The following ARHGEF7 variants were observed in gnomAD, a reference collection of about 807,000 sequenced individuals.
ARHGEF7 encodes PAK-interacting exchange factor beta.
ARHGEF7 carries 33 observed loss-of-function variants against 109.8 expected under a neutral mutation model. The observed-to-expected ratio is 0.30, with a 90% CI of 0.23 to 0.40. The LOEUF is 0.40. ARHGEF7 is among the 10% of genes least tolerant of loss of function. The pLI is 1.00. For synonymous variants in ARHGEF7, 458 were observed against 424.6 expected (o/e 1.08, Z -0.97); for missense variants, 938 against 1,098.5 (o/e 0.85, Z 2.07).
intron 2 of ARHGEF7, among the ~76,000 whole-genome samples, chr13:111,204,165 G>A (rs1344571395): frequency 6.6e-6 from 1 of 152,186 alleles, no homozygotes; most frequent in Non-Finnish European, 1.5e-5. Context: ...AAAGGGAAGG[G>A]ACCGAAGGCA....
chr13:111,273,744 T>G lies in ARHGEF7; in HGVS notation c.1074-70T>G. ...TTTCATAAATTCTGGCTGTTGCTCA[T>G]GGAGATGAGAGAGCCACCATTGTCT... On this transcript the variant is annotated intron_variant, in intron 9 of 21. Coordinates refer to ENST00000646102, the MANE Select transcript of ARHGEF7 (RefSeq NM_001354046.2). This position sits in a 1 kb window ranked among gnomAD's most constrained non-coding sequence, Gnocchi z 4.5. The G allele has an allele frequency of 1.6e-5, 26 of 1,587,474 alleles. No individual in the cohort carries two copies. Among genetic ancestry groups the G allele is most frequent in the Middle Eastern group, 1.7e-4 (1 of 5,802 alleles).
chr13:111,208,479 G>C (rs764353250), intron 3 of ARHGEF7, among the ~76,000 whole-genome samples: 13 of 152,144 alleles, frequency 8.5e-5, no homozygotes, highest in Non-Finnish European at 1.3e-4. Flanking sequence ...TGTTCTCAAG[G>C]CATTTAGTTG....
At chr13:111,291,092 A>T (rs2093262194) in intron 18 of ARHGEF7, among the ~76,000 whole-genome samples, 1 of 152,228 alleles carries the variant, frequency 6.6e-6, no homozygotes, top group Admixed American at 6.5e-5. Flanking sequence ...GTTATGATGT[A>T]GTTCTCGCAG....
At chr13:111,271,668 C>T (rs1001771046) in intron 9 of ARHGEF7, among the ~76,000 whole-genome samples, 4 of 152,148 alleles carry the variant, frequency 2.6e-5, no homozygotes, top group South Asian at 2.1e-4. Context: ...ACAGACACCA[C>T]GTACACACAC....
intron 5 of ARHGEF7, among the ~76,000 whole-genome samples, chr13:111,221,773 C>T (rs1324643662): frequency 6.6e-6 from 1 of 151,090 alleles, no homozygotes; most frequent in East Asian, 1.9e-4. Context: ...TTACTTCTGT[C>T]CCTCTAAAGA....
chr13:111,179,710 G>A (rs756429798), intron 2 of ARHGEF7, among the ~76,000 whole-genome samples: 11 of 152,096 alleles, frequency 7.2e-5, no homozygotes, highest in Non-Finnish European at 1.6e-4. Flanking sequence ...CTGTAGGATC[G>A]TTTTTCTGCC....
At chr13:111,179,276 G>T (rs2078498173) in intron 2 of ARHGEF7, among the ~76,000 whole-genome samples, 1 of 152,008 alleles carries the variant, frequency 6.6e-6, no homozygotes, top group Non-Finnish European at 1.5e-5. Flanking sequence ...TAGAGACAGG[G>T]TTTCGCTATG....
In ARHGEF7 at chr13:111,258,782, C is replaced by T. The variant is rs573498894; in HGVS notation, c.951-8766C>T. On this transcript the variant is annotated intron_variant, in intron 8 of 21. Transcript: ENST00000646102. The surrounding 1 kb of genome is among the most constrained non-coding windows in gnomAD (Gnocchi z 4.4). ...AACATCAAGTGGGCTCTTGGGAGTC[C>T]CCAGTTTCAGGCCTTGGCTGTTAGA... Among the ~76,000 whole-genome samples the T allele has an allele frequency of 1.3e-5, 2 of 152,206 alleles. No individual in the cohort carries two copies. Among genetic ancestry groups the T allele is most frequent in the Non-Finnish European group, 2.9e-5 (2 of 68,002 alleles).
At chr13:111,168,787 T>A (rs957617324) in intron 2 of ARHGEF7, among the ~76,000 whole-genome samples, 5 of 152,204 alleles carry the variant, frequency 3.3e-5, no homozygotes, top group Admixed American at 2.6e-4. Context: ...GGTTTTGATA[T>A]GTTGACTCCA....
At chr13:111,227,124 T>C (rs2085314513) in intron 5 of ARHGEF7, among the ~76,000 whole-genome samples, 1 of 152,248 alleles carries the variant, frequency 6.6e-6, no homozygotes, top group African/African-American at 2.4e-5. Context: ...GCAAAGAATG[T>C]GGTTTCTTGA....
chr13:111,269,383 A>C (rs1304926495), intron 9 of ARHGEF7, among the ~76,000 whole-genome samples: 2 of 152,246 alleles, frequency 1.3e-5, no homozygotes, highest in East Asian at 3.8e-4. Flanking sequence ...ATTGAAAGTC[A>C]CTAGGACTGT....
At chr13:111,288,271 T>C (rs2093111908) in intron 17 of ARHGEF7, 83 bp from the exon 18 acceptor site, 7 of 741,544 alleles carry the variant, frequency 9.4e-6, no homozygotes, top group South Asian at 2.6e-5. Flanking sequence ...TTTGGTCGAG[T>C]TGATGTCTGC....
chr13:111,200,959 AT>A (rs1189730386), intron 2 of ARHGEF7, among the ~76,000 whole-genome samples: 1 of 151,908 alleles, frequency 6.6e-6, no homozygotes, highest in Non-Finnish European at 1.5e-5. Context: ...TACTGAAGAC[AT>A]TTTTTTCTTC....
intron 19 of ARHGEF7, among the ~76,000 whole-genome samples, chr13:111,298,644 G>A (rs1390601085): frequency 6.6e-6 from 1 of 152,236 alleles, no homozygotes; most frequent in Non-Finnish European, 1.5e-5. Flanking sequence ...ATCATATCTT[G>A]CAGTCCTGTC....
At chr13:111,193,527 C>T (rs1466932748) in intron 2 of ARHGEF7, among the ~76,000 whole-genome samples, 1 of 152,264 alleles carries the variant, frequency 6.6e-6, no homozygotes, top group African/African-American at 2.4e-5. Flanking sequence ...AGGTTAGGAA[C>T]TCCCTTTCTT....
intron 2 of ARHGEF7, among the ~76,000 whole-genome samples, chr13:111,155,664 A>T (rs1317153393): frequency 1.3e-5 from 2 of 152,152 alleles, no homozygotes; most frequent in Non-Finnish European, 2.9e-5. Context: ...GAGGGATTTT[A>T]TTATATTATC....
intron 1 of ARHGEF7, among the ~76,000 whole-genome samples, chr13:111,140,239 G>T (rs1384895671): frequency 6.6e-6 from 1 of 152,202 alleles, no homozygotes; most frequent in Admixed American, 6.5e-5. Flanking sequence ...ATATGCTGCA[G>T]CTGGAGCGTG....
chr13:111,193,584 A>C (rs1015073466), intron 2 of ARHGEF7, among the ~76,000 whole-genome samples: 2 of 152,252 alleles, frequency 1.3e-5, no homozygotes, highest in African/African-American at 2.4e-5. Flanking sequence ...CGTACTTGCT[A>C]TCTGTATACA....
At chr13:111,130,978 G>A (rs187956001) in intron 1 of ARHGEF7, among the ~76,000 whole-genome samples, 45 of 152,340 alleles carry the variant, frequency 3.0e-4, no homozygotes, top group African/African-American at 1.0e-3. Context: ...GAGGGGACGC[G>A]GAGAGACAGG....
Sources: gnomAD v4.1 joint callset for allele counts (sites outside exome capture counted in the v4.1 genomes callset) on GRCh38, gnomAD v4.1.1 for gene constraint, Gnocchi (gnomAD v3.1) non-coding constraint, MANE v1.5 for transcripts, NCBI Gene and HGNC (gene_info 2026-07-23, HGNC 2026-07-21) for gene names.